NBEA: variants seen among roughly 807,000 people sequenced by gnomAD.
NBEA encodes neurobeachin.
A neutral mutation model predicts 343.4 loss-of-function variants in NBEA; 44 were observed. The observed-to-expected ratio is 0.13, with a 90% CI of 0.10 to 0.16. The LOEUF (loss-of-function observed/expected upper bound fraction) is 0.16, where lower values mean the gene tolerates loss of function less well. Ranked by LOEUF, NBEA falls within the 10% of genes least tolerant of loss-of-function variation. NBEA has a pLI of 1.00. For synonymous variants in NBEA, 1,175 were observed against 1,238.7 expected, an observed-to-expected ratio of 0.95 and a Z score of 1.08; for missense variants, 2,555 against 3,631.3, an observed-to-expected ratio of 0.70 and a Z score of 7.62.
chr13:35,322,768 A>G (rs73169735), intron 36 of NBEA, among the ~76,000 whole-genome samples: 5,539 of 152,332 alleles, frequency 0.036, 139 homozygotes, highest in Middle Eastern at 0.071. Context: ...ATTTATCTAA[A>G]ACTAAAGTCC....
intron 36 of NBEA, among the ~76,000 whole-genome samples, chr13:35,341,257 C>CA (rs943865209): frequency 1.1e-4 from 16 of 152,000 alleles, no homozygotes; most frequent in African/African-American, 3.6e-4. Context: ...AAAATGAATT[C>CA]AAAATGCATG....
At chr13:35,511,690 C>G (rs951543905) in intron 41 of NBEA, among the ~76,000 whole-genome samples, 2 of 152,140 alleles carry the variant, frequency 1.3e-5, no homozygotes, top group African/African-American at 4.8e-5. Context: ...CAGCATTACA[C>G]TGTATCATAT....
intron 10 of NBEA, among the ~76,000 whole-genome samples, chr13:35,078,545 C>T (rs2064222379): frequency 6.6e-6 from 1 of 152,100 alleles, no homozygotes; most frequent in African/African-American, 2.4e-5. Flanking sequence ...CGAAGAATGA[C>T]CAACCAAGCC....
At chr13:35,082,604 G>A (rs1025055522) in intron 10 of NBEA, among the ~76,000 whole-genome samples, 6 of 152,050 alleles carry the variant, frequency 3.9e-5, no homozygotes, top group South Asian at 2.1e-4. Flanking sequence ...TTTAATGATC[G>A]CCATTCTAAC....
intron 40 of NBEA, among the ~76,000 whole-genome samples, chr13:35,471,397 C>T (rs894021899): frequency 3.3e-5 from 5 of 152,160 alleles, no homozygotes; most frequent in African/African-American, 1.2e-4. Context: ...ACGCATCTGA[C>T]TGTATGCATT....
At chr13:35,036,039 C>A (rs1279784570) in intron 1 of NBEA, among the ~76,000 whole-genome samples, 1 of 151,886 alleles carries the variant, frequency 6.6e-6, no homozygotes, top group Non-Finnish European at 1.5e-5. Context: ...AGGATGTACT[C>A]TTGCCATTTT....
chr13:35,488,336 G>T (rs188942541), intron 41 of NBEA, among the ~76,000 whole-genome samples: 1 of 151,864 alleles, frequency 6.6e-6, no homozygotes, highest in Admixed American at 6.6e-5. Context: ...ATACTCCACA[G>T]CCTTCGTATA....
At chr13:35,267,052 G>A (rs933233989) in intron 34 of NBEA, among the ~76,000 whole-genome samples, 4 of 151,918 alleles carry the variant, frequency 2.6e-5, no homozygotes, top group Admixed American at 6.6e-5. Flanking sequence ...TCCATTAAGT[G>A]GAAGTGGATC....
chr13:35,619,532 C>A (rs1421916597), intron 48 of NBEA, among the ~76,000 whole-genome samples: 2 of 152,142 alleles, frequency 1.3e-5, no homozygotes, highest in Non-Finnish European at 2.9e-5. Flanking sequence ...TATCTGGCAA[C>A]CTTCATTTAA....
intron 10 of NBEA, among the ~76,000 whole-genome samples, chr13:35,090,733 A>G (rs964578332): frequency 6.6e-6 from 1 of 151,922 alleles, no homozygotes; most frequent in Non-Finnish European, 1.5e-5. Flanking sequence ...CAAAAAAATC[A>G]GTTCCAATTC....
chr13:35,002,589 C>G (rs1245901479), intron 1 of NBEA, among the ~76,000 whole-genome samples: 3 of 152,110 alleles, frequency 2.0e-5, no homozygotes, highest in Non-Finnish European at 4.4e-5. Flanking sequence ...TATTAAAACT[C>G]CACAAAAATA....
At chr13:35,191,104 CAAAG>C (rs1054973539) in intron 30 of NBEA, among the ~76,000 whole-genome samples, 106 of 151,986 alleles carry the variant, frequency 7.0e-4, no homozygotes, top group Non-Finnish European at 2.5e-4. Context: ...GGGAACAGAA[CAAAG>C]AAAGAATGAA....
chr13:35,178,081 G>T (rs1257279066), intron 28 of NBEA, among the ~76,000 whole-genome samples: 1 of 151,612 alleles, frequency 6.6e-6, no homozygotes, highest in East Asian at 1.9e-4. Flanking sequence ...AGTATCCCTA[G>T]TAGTCAACAG....
chr13:35,380,220 G>C (rs559966978), intron 38 of NBEA, among the ~76,000 whole-genome samples: 1 of 68,178 alleles, frequency 1.5e-5, no homozygotes, highest in East Asian at 5.6e-4. Flanking sequence ...TGAGGCAGGT[G>C]AATCACCTGA....
intron 36 of NBEA, among the ~76,000 whole-genome samples, chr13:35,342,501 T>C (rs1311059588): frequency 6.6e-6 from 1 of 152,046 alleles, no homozygotes; most frequent in East Asian, 1.9e-4. Flanking sequence ...TAAGAAAATC[T>C]CATAATGACA....
intron 41 of NBEA, chr13:35,475,364 C>A (rs1334932477): frequency 1.2e-6 from 2 of 1,613,806 alleles, no homozygotes; most frequent in African/African-American, 2.7e-5. Flanking sequence ...AGGTGACGAT[C>A]CCTTAAGGTT....
rs115619425 is a variant in NBEA at position 35,538,667 on chromosome 13, C to T, written c.6586-11810C>T. Among the ~76,000 whole-genome samples, 365 of 152,288 alleles carry T rather than the reference C, an allele frequency of 2.4e-3. 2 individuals carry two copies. The highest frequency in any genetic ancestry group is 8.5e-3 in the African/African-American group (355 of 41,562). On this transcript the variant is annotated intron_variant, in intron 41 of 58. Coordinates refer to ENST00000379939, the MANE Select transcript of NBEA (RefSeq NM_001385012.1). ...GAAGGTAGGAGGTTGTACAGTAACCCCCGTGAGGACACTGAATAAACAGTG... is the reference window on the plus strand; with the variant it reads ...GAAGGTAGGAGGTTGTACAGTAACCTCCGTGAGGACACTGAATAAACAGTG...
intron 1 of NBEA, among the ~76,000 whole-genome samples, chr13:35,023,872 C>T (rs1456159885): frequency 6.6e-6 from 1 of 152,086 alleles, no homozygotes; most frequent in African/African-American, 2.4e-5. Flanking sequence ...AGGTTTGTTA[C>T]GTGGGTAAAT....
At chr13:35,129,866 A>G (rs759604507) in intron 17 of NBEA, among the ~76,000 whole-genome samples, 10 of 152,126 alleles carry the variant, frequency 6.6e-5, no homozygotes, top group African/African-American at 1.2e-4. Context: ...GAAGTTAGCC[A>G]TATAATATTA....
Sources: gnomAD v4.1 joint callset for allele counts (sites outside exome capture counted in the v4.1 genomes callset) on GRCh38, gnomAD v4.1.1 for gene constraint, MANE v1.5 for transcripts, NCBI Gene and HGNC (gene_info 2026-07-23, HGNC 2026-07-21) for gene names.